Variants in ENTREP2 observed in about 807,000 individuals in gnomAD.
ENTREP2 encodes endosomal transmembrane epsin interactor 2.
the ENTREP2 span, among the ~76,000 whole-genome samples, chr15:29,169,722 T>C: frequency 6.7e-6 from 1 of 150,252 alleles, no homozygotes; most frequent in Admixed American, 6.6e-5. Flanking sequence ...GCAGTTGGTA[T>C]TTCAACACTA....
At chr15:29,299,923 G>A in the ENTREP2 span, among the ~76,000 whole-genome samples, 70 of 133,642 alleles carry the variant, frequency 5.2e-4, no homozygotes, top group African/African-American at 2.3e-3. Flanking sequence ...GTAGGTGAAT[G>A]GATGAGTAGG....
the ENTREP2 span, among the ~76,000 whole-genome samples, chr15:29,579,686 ATTTTTTTTTTTTT>A: frequency 1.3e-3 from 73 of 55,816 alleles, no homozygotes; most frequent in East Asian, 8.9e-3. Context: ...CACCCAGCTA[ATTTTTTTTTTTTT>A]TTTTTTTTTT....
the ENTREP2 span, among the ~76,000 whole-genome samples, chr15:29,607,443 T>G: frequency 6.6e-6 from 1 of 152,118 alleles, no homozygotes; most frequent in African/African-American, 2.4e-5. Flanking sequence ...TTCATAATAA[T>G]TAGTCTACCT....
chr15:29,212,933 T>G, the ENTREP2 span, among the ~76,000 whole-genome samples: 1 of 152,236 alleles, frequency 6.6e-6, no homozygotes, highest in Non-Finnish European at 1.5e-5. Context: ...GGTCTAACAT[T>G]TAAGTCTTTA....
the ENTREP2 span, among the ~76,000 whole-genome samples, chr15:29,415,867 G>A: frequency 2.6e-5 from 4 of 152,102 alleles, no homozygotes; most frequent in South Asian, 8.3e-4. Flanking sequence ...CAGACAGACA[G>A]CCAAATCATG....
chr15:29,535,902 G>A, the ENTREP2 span, among the ~76,000 whole-genome samples: 3 of 152,080 alleles, frequency 2.0e-5, no homozygotes, highest in Non-Finnish European at 2.9e-5. Flanking sequence ...ACAATCCCAG[G>A]AAGAAGAGTG....
the ENTREP2 span, among the ~76,000 whole-genome samples, chr15:29,120,019 G>A: frequency 6.6e-6 from 1 of 152,252 alleles, no homozygotes; most frequent in Non-Finnish European, 1.5e-5. Flanking sequence ...TGTCCATGGA[G>A]GGGCTGCCAT....
the ENTREP2 span, among the ~76,000 whole-genome samples, chr15:29,135,173 A>C: frequency 2.0e-5 from 3 of 148,328 alleles, no homozygotes; most frequent in African/African-American, 5.2e-5. The surrounding 1 kb of genome is among the most constrained non-coding windows in gnomAD (Gnocchi z 7.4). Context: ...CTCTGCTCCA[A>C]CTCACTGCTG....
the ENTREP2 span, chr15:29,610,044 T>A: frequency 1.3e-5 from 2 of 150,418 alleles, no homozygotes; most frequent in Non-Finnish European, 3.0e-5. Flanking sequence ...AGCAATCAGG[T>A]GTTGCCTAGT....
chr15:29,388,923 T>C, the ENTREP2 span, among the ~76,000 whole-genome samples: 5 of 128,884 alleles, frequency 3.9e-5, no homozygotes, highest in Admixed American at 3.9e-4. Flanking sequence ...ATGAGAACAC[T>C]TGGACACAGG....
At chr15:29,346,267 A>G in the ENTREP2 span, among the ~76,000 whole-genome samples, 11 of 152,290 alleles carry the variant, frequency 7.2e-5, no homozygotes, top group Non-Finnish European at 4.4e-5. Flanking sequence ...GTCACCAATT[A>G]CTGGGGACAT....
chr15:29,557,888 C>A, the ENTREP2 span, among the ~76,000 whole-genome samples: 1 of 152,142 alleles, frequency 6.6e-6, no homozygotes, highest in South Asian at 2.1e-4. Flanking sequence ...CCGCTCATGC[C>A]TATCTTGGAG....
chr15:29,529,900 A>G, the ENTREP2 span, among the ~76,000 whole-genome samples: 18 of 152,324 alleles, frequency 1.2e-4, no homozygotes, highest in Admixed American at 4.6e-4. Flanking sequence ...AGAGAAGTTA[A>G]GCGGTGTTTC....
chr15:29,127,672 C>T, the ENTREP2 span, among the ~76,000 whole-genome samples: 1 of 152,164 alleles, frequency 6.6e-6, no homozygotes, highest in Non-Finnish European at 1.5e-5. Flanking sequence ...GTCCCTGGGT[C>T]AGCTGTAGAG....
At chr15:29,157,831 G>C in the ENTREP2 span, among the ~76,000 whole-genome samples, 1 of 151,198 alleles carries the variant, frequency 6.6e-6, no homozygotes, top group Non-Finnish European at 1.5e-5. Flanking sequence ...CCAACTTCAA[G>C]TGATTCTCCT....
At chr15:29,276,161 A>G in the ENTREP2 span, among the ~76,000 whole-genome samples, 1 of 152,196 alleles carries the variant, frequency 6.6e-6, no homozygotes, top group African/African-American at 2.4e-5. Context: ...GGCTGGTGGA[A>G]GCGGGTGGAG....
chr15:29,587,609 C>T, the ENTREP2 span, among the ~76,000 whole-genome samples: 1 of 152,130 alleles, frequency 6.6e-6, no homozygotes, highest in Admixed American at 6.5e-5. Flanking sequence ...ATTATCTTGC[C>T]TTCCTATATG....
chr15:29,273,148 T>C, the ENTREP2 span, among the ~76,000 whole-genome samples: 1 of 152,046 alleles, frequency 6.6e-6, no homozygotes, highest in African/African-American at 2.4e-5. Flanking sequence ...AAGATTTCAT[T>C]TTTCTCATCA....
the ENTREP2 span, among the ~76,000 whole-genome samples, chr15:29,665,465 G>A: frequency 6.6e-6 from 1 of 152,180 alleles, no homozygotes; most frequent in Non-Finnish European, 1.5e-5. Flanking sequence ...GACATCAATC[G>A]CTACCACTTG....
Sources: gnomAD v4.1 joint callset for allele counts (sites outside exome capture counted in the v4.1 genomes callset) on GRCh38, gnomAD v4.1.1 for gene constraint, Gnocchi (gnomAD v3.1) non-coding constraint, MANE v1.5 for transcripts, NCBI Gene and HGNC (gene_info 2026-07-23, HGNC 2026-07-21) for gene names.